The following MYO3A variants were observed in gnomAD, a reference collection of about 807,000 sequenced individuals.
The protein encoded by MYO3A is myosin IIIA.
A neutral mutation model predicts 192.7 loss-of-function variants in MYO3A; 180 were observed. That is an observed-to-expected ratio of 0.93 (90% CI 0.83 to 1.06). The LOEUF (loss-of-function observed/expected upper bound fraction) is 1.06. MYO3A is among the 50% of genes least tolerant of loss of function. The pLI is 0.00. For missense variants in MYO3A, 1,896 were observed against 1,905.0 expected (o/e 1.00, Z 0.09); for synonymous variants, 628 against 645.3 (o/e 0.97, Z 0.41).
intron 17 of MYO3A, among the ~76,000 whole-genome samples, chr10:26,103,152 G>A (rs1341353157): frequency 6.6e-6 from 1 of 152,238 alleles, no homozygotes; most frequent in Non-Finnish European, 1.5e-5. Flanking sequence ...TGTGCTAGCA[G>A]TGAGTGAGGC....
rs547940702 is a variant in MYO3A, at chr10:26,059,780, A to G, written c.954-7195A>G. Among the ~76,000 whole-genome samples, 5 of 152,354 alleles carry G rather than the reference A, an allele frequency of 3.3e-5. No individual in the cohort carries two copies. In the South Asian group the frequency reaches 8.3e-4, roughly 25 times the overall value. On this transcript the variant is annotated intron_variant, in intron 10 of 34. Coordinates refer to ENST00000642920, the MANE Select transcript of MYO3A (RefSeq NM_017433.5). ...ATTTTTTTCCACATTCAGTAACCCC[A>G]CAACACTTGGGAAAATGCTTGCACG...
At chr10:26,151,978 CAA>C (rs1318117140) in intron 23 of MYO3A, among the ~76,000 whole-genome samples, 1 of 152,182 alleles carries the variant, frequency 6.6e-6, no homozygotes, top group African/African-American at 2.4e-5. Flanking sequence ...GACCCAGAAG[CAA>C]AAGTCATTAA....
At chr10:25,952,783 A>G (rs1213822926) in intron 3 of MYO3A, among the ~76,000 whole-genome samples, 6 of 151,934 alleles carry the variant, frequency 3.9e-5, no homozygotes, top group Non-Finnish European at 8.8e-5. Flanking sequence ...TGGATTTATA[A>G]TCAGGGCAAA....
chr10:26,050,344 GATTCTTGGAA>G (rs2131283223), intron 10 of MYO3A, among the ~76,000 whole-genome samples: 1 of 152,254 alleles, frequency 6.6e-6, no homozygotes, highest in East Asian at 1.9e-4. Context: ...GCCATTTAAT[GATTCTTGGAA>G]AAGGTAAACA....
intron 4 of MYO3A, among the ~76,000 whole-genome samples, chr10:25,959,821 G>A: frequency 6.6e-6 from 1 of 151,926 alleles, no homozygotes; most frequent in Non-Finnish European, 1.5e-5. Context: ...GTGTGTGTGT[G>A]TGTGTGTCTG....
At chr10:26,113,464 G>T (rs552715780) in intron 17 of MYO3A, among the ~76,000 whole-genome samples, 1 of 132,556 alleles carries the variant, frequency 7.5e-6, no homozygotes, top group East Asian at 2.1e-4. Context: ...GCAAGACTAC[G>T]TCTCAAAAAA....
At chr10:25,935,186 C>G (rs1243127601) in intron 1 of MYO3A, among the ~76,000 whole-genome samples, 1 of 152,184 alleles carries the variant, frequency 6.6e-6, no homozygotes, top group Non-Finnish European at 1.5e-5. Context: ...GGAGAAAGAG[C>G]AGACAAGAAA....
intron 7 of MYO3A, among the ~76,000 whole-genome samples, chr10:26,017,874 G>A (rs1588787716): frequency 6.6e-6 from 1 of 151,214 alleles, no homozygotes; most frequent in Admixed American, 6.6e-5. Context: ...TTTAGAGTTT[G>A]TTCTGATATA....
intron 3 of MYO3A, 83 bp downstream of exon 3, chr10:25,952,361 T>G: frequency 7.3e-7 from 1 of 1,366,966 alleles, no homozygotes; most frequent in East Asian, 2.4e-5. Context: ...TCTTGATTTA[T>G]TCATCACAAT....
At chr10:26,201,758 T>C (rs1178669112) in intron 33 of MYO3A, among the ~76,000 whole-genome samples, 1 of 152,170 alleles carries the variant, frequency 6.6e-6, no homozygotes, top group Non-Finnish European at 1.5e-5. Context: ...CCAATACATT[T>C]ACGTTACGAA....
At chr10:26,001,207 G>A (rs189296929) in intron 6 of MYO3A, among the ~76,000 whole-genome samples, 76 of 152,258 alleles carry the variant, frequency 5.0e-4, no homozygotes, top group East Asian at 1.3e-3. Context: ...CAGAATCTGC[G>A]GCATTCCTGT....
chr10:26,026,493 T>C lies in MYO3A; in HGVS notation c.914T>C (p.Ile305Thr), dbSNP rs1178952895. 14 of 1,614,062 alleles carry C rather than the reference T, an allele frequency of 8.7e-6. No homozygotes were observed. The highest frequency in any genetic ancestry group is 1.6e-4 in the Middle Eastern group (1 of 6,084). Reference sequence around the variant, plus strand: ...CTACAAAAACAACTAACGGAATTCATTGGCATCCATCAATGCATGGGAGGC... The same window carrying C: ...CTACAAAAACAACTAACGGAATTCACTGGCATCCATCAATGCATGGGAGGC... ...VMLQKQLTEF[I>T]GIHQCMGGTE... The change falls in exon 10 of 35, where the codon ATT (isoleucine) becomes ACT (threonine). Residue 305 changes from isoleucine to threonine, a missense_variant. By Grantham distance (89) the Ile-to-Thr change is moderately conservative. Transcript: ENST00000642920.
At chr10:25,992,103 G>C (rs1386151298) in intron 4 of MYO3A, among the ~76,000 whole-genome samples, 2 of 151,512 alleles carry the variant, frequency 1.3e-5, no homozygotes, top group Non-Finnish European at 2.9e-5. Flanking sequence ...ATTACCTTGG[G>C]CAGTATGGCC....
intron 26 of MYO3A, among the ~76,000 whole-genome samples, chr10:26,164,869 G>A (rs1841659377): frequency 6.6e-6 from 1 of 152,182 alleles, no homozygotes; most frequent in African/African-American, 2.4e-5. Flanking sequence ...GCCAAGAGTT[G>A]ATGGACAGGC....
intron 32 of MYO3A, among the ~76,000 whole-genome samples, chr10:26,193,978 C>G (rs1000304266): frequency 6.6e-6 from 1 of 152,182 alleles, no homozygotes; most frequent in Non-Finnish European, 1.5e-5. Flanking sequence ...ATGCCACTGT[C>G]ATCCACATGG....
chr10:25,996,634 A>C, intron 5 of MYO3A, 40 bp downstream of exon 5: 3 of 1,513,098 alleles, frequency 2.0e-6, no homozygotes, highest in Non-Finnish European at 2.7e-6. Flanking sequence ...ATTATGAAGC[A>C]GTTCCAGTTA....
At chr10:26,010,431 T>C (rs1369350914) in intron 6 of MYO3A, among the ~76,000 whole-genome samples, 1 of 151,428 alleles carries the variant, frequency 6.6e-6, no homozygotes, top group Non-Finnish European at 1.5e-5. Flanking sequence ...ATAGCATCCA[T>C]GAGATAGACT....
intron 7 of MYO3A, 33 bp downstream of exon 7, chr10:26,016,929 T>C (rs750228745): frequency 3.8e-6 from 6 of 1,586,954 alleles, no homozygotes; most frequent in Non-Finnish European, 5.2e-6. Context: ...ACAAACGTAA[T>C]AGCTGATCCT....
At chr10:25,997,067 G>A in intron 5 of MYO3A, 92 bp from the exon 6 acceptor site, 1 of 924,222 alleles carries the variant, frequency 1.1e-6, no homozygotes, top group Non-Finnish European at 1.7e-6. Flanking sequence ...TTTATTATGT[G>A]TTTCCTATTG....
Sources: allele counts gnomAD v4.1 joint callset (sites outside exome capture counted in the v4.1 genomes callset), GRCh38; gene constraint gnomAD v4.1.1; transcripts MANE v1.5; gene names NCBI Gene and HGNC (gene_info 2026-07-23, HGNC 2026-07-21).